TBX5: variants seen among roughly 807,000 people sequenced by gnomAD.
The protein encoded by TBX5 is T-box transcription factor 5, also known as T-box transcription factor TBX5.
TBX5 carries 8 observed loss-of-function variants against 51.1 expected under a neutral mutation model. That is an observed-to-expected ratio of 0.16 (90% confidence interval 0.09 to 0.28). TBX5 has a LOEUF of 0.28. Ranked by LOEUF, TBX5 falls within the 10% of genes least tolerant of loss-of-function variation. The probability of loss-of-function intolerance (pLI) is 1.00; values close to 1 mark genes in which losing one functional copy is unlikely to be tolerated. For synonymous variants in TBX5, 302 were observed against 266.4 expected, an observed-to-expected ratio of 1.13 and a Z score of -1.30; for missense variants, 589 against 671.7, an observed-to-expected ratio of 0.88 and a Z score of 1.36.
intron 8 of TBX5, among the ~76,000 whole-genome samples, chr12:114,364,389 T>C (rs569102371): frequency 6.6e-6 from 1 of 152,352 alleles, no homozygotes; most frequent in Non-Finnish European, 1.5e-5. Flanking sequence ...AGATAACATA[T>C]GATGTGTATG....
intron 2 of TBX5, among the ~76,000 whole-genome samples, chr12:114,402,716 T>C (rs1447893929): frequency 6.6e-6 from 1 of 152,078 alleles, no homozygotes; most frequent in Non-Finnish European, 1.5e-5. Context: ...TATATATACA[T>C]ATATATACAT....
chr12:114,379,248 C>A (rs1870374045), intron 7 of TBX5, among the ~76,000 whole-genome samples: 1 of 152,176 alleles, frequency 6.6e-6, no homozygotes, highest in African/African-American at 2.4e-5. Flanking sequence ...TTCCTGCTTC[C>A]CCTTGCACAC....
chr12:114,400,554 C>T (rs1026628812), intron 3 of TBX5, among the ~76,000 whole-genome samples: 3 of 152,198 alleles, frequency 2.0e-5, no homozygotes, highest in African/African-American at 4.8e-5. Context: ...TCAGCGATGG[C>T]GGGAACGGTC....
Position 114,355,480 on chromosome 12 carries a change from C to CCT in TBX5, c.*50_*51dup, listed in dbSNP as rs201961625. The CCT allele has an allele frequency of 2.8e-5, 42 of 1,519,014 alleles. No homozygotes were observed. Among genetic ancestry groups the CCT allele is most frequent in the South Asian group, 4.7e-5 (4 of 85,024 alleles). 94.1% of individuals were successfully genotyped at this position (1,519,014 alleles called of 1,614,324 possible). A position where few individuals can be genotyped will look rare whatever the true frequency, so the allele number is the denominator to read the frequency against. The stretch of plus-strand genomic sequence containing the variant: ...TGTCTCTCTCCTTCTCTCTCTTTCT[C>CCT]CTCTCTCTCTCTCTTTCTCTAGGAA... On this transcript the variant is annotated 3_prime_UTR_variant, in exon 9 of 9. Transcript: ENST00000405440.
At chr12:114,389,519 C>CCA (rs1871028801) in intron 6 of TBX5, among the ~76,000 whole-genome samples, 1 of 150,924 alleles carries the variant, frequency 6.6e-6, no homozygotes, top group Admixed American at 6.6e-5. Context: ...CTTTGGGAGG[C>CCA]AGAGGCGGGC....
intron 6 of TBX5, among the ~76,000 whole-genome samples, chr12:114,393,924 G>A (rs1328488712): frequency 6.6e-6 from 1 of 152,176 alleles, no homozygotes; most frequent in Non-Finnish European, 1.5e-5. Context: ...AATGTGGTCT[G>A]GAGTCAGTGA....
intron 8 of TBX5, among the ~76,000 whole-genome samples, chr12:114,364,147 A>G (rs1176298404): frequency 6.6e-6 from 1 of 152,236 alleles, no homozygotes; most frequent in Non-Finnish European, 1.5e-5. Flanking sequence ...AATGTCAAAT[A>G]GTCAAACTAT....
intron 7 of TBX5, among the ~76,000 whole-genome samples, chr12:114,379,539 C>T (rs1055406416): frequency 1.3e-5 from 2 of 152,190 alleles, no homozygotes; most frequent in Non-Finnish European, 2.9e-5. Context: ...CCAGCTTAAG[C>T]TTGGGAGTCA....
At chr12:114,371,786 A>G (rs1382154447) in intron 7 of TBX5, among the ~76,000 whole-genome samples, 1 of 151,978 alleles carries the variant, frequency 6.6e-6, no homozygotes, top group African/African-American at 2.4e-5. Context: ...AGCTTTCTTG[A>G]TTTCTTAACA....
At chr12:114,383,654 G>A (rs1870639162) in intron 7 of TBX5, among the ~76,000 whole-genome samples, 1 of 152,172 alleles carries the variant, frequency 6.6e-6, no homozygotes, top group African/African-American at 2.4e-5. Context: ...GGCTGGTGGT[G>A]GCTAGAATTA....
At chr12:114,379,669 G>A (rs143027810) in intron 7 of TBX5, among the ~76,000 whole-genome samples, 339 of 152,280 alleles carry the variant, frequency 2.2e-3, no homozygotes, top group Non-Finnish European at 3.8e-3. Flanking sequence ...GACACTCCTC[G>A]GTCGAGTAGA....
rs1360885183 is a variant in TBX5 at position 114,357,265 on chromosome 12, G to A, written c.983-1159C>T. Among the ~76,000 whole-genome samples, 9 of 152,028 alleles carry A rather than the reference G, an allele frequency of 5.9e-5. No individual in the cohort carries two copies. In the South Asian group the frequency reaches 1.0e-3, roughly 18 times the overall value. On this transcript the variant is annotated intron_variant, in intron 8 of 8. Coordinates refer to ENST00000405440, the MANE Select transcript of TBX5 (RefSeq NM_181486.4). Reference sequence around the variant, plus strand: ...AAAGGGGGTCTCCTTTCACCACTTCGGGGCCACTGGCCCCTTTGAAAACAA... The same window carrying A: ...AAAGGGGGTCTCCTTTCACCACTTCAGGGCCACTGGCCCCTTTGAAAACAA...
upstream of TBX5, among the ~76,000 whole-genome samples, chr12:114,406,466 C>G (rs1410748557): frequency 6.6e-6 from 1 of 152,168 alleles, no homozygotes; most frequent in African/African-American, 2.4e-5. Context: ...TGGACGCACA[C>G]ACACAAACAC....
intron 7 of TBX5, among the ~76,000 whole-genome samples, chr12:114,379,620 AG>A (rs1316338351): frequency 6.6e-6 from 1 of 152,194 alleles, no homozygotes; most frequent in Non-Finnish European, 1.5e-5. Flanking sequence ...GCCTGGAGGT[AG>A]GCTCTGTAAT....
At chr12:114,404,540 AC>A (rs1259785128) in intron 1 of TBX5, among the ~76,000 whole-genome samples, 1 of 152,110 alleles carries the variant, frequency 6.6e-6, no homozygotes, top group Non-Finnish European at 1.5e-5. Flanking sequence ...ATTCATATAC[AC>A]CTTTTACCAG....
At chr12:114,365,065 GAAA>G (rs5801051) in intron 8 of TBX5, among the ~76,000 whole-genome samples, 1 of 147,998 alleles carries the variant, frequency 6.8e-6, no homozygotes, top group African/African-American at 2.5e-5. Flanking sequence ...GGATGACTTA[GAAA>G]AAAAAAAAAG....
At chr12:114,357,920 G>T (rs1439344906) in intron 8 of TBX5, among the ~76,000 whole-genome samples, 2 of 152,206 alleles carry the variant, frequency 1.3e-5, no homozygotes, top group Non-Finnish European at 2.9e-5. Context: ...ACAGAATGCT[G>T]AACTAAATAA....
At chr12:114,381,429 T>C (rs190243416) in intron 7 of TBX5, among the ~76,000 whole-genome samples, 1 of 152,276 alleles carries the variant, frequency 6.6e-6, no homozygotes, top group African/African-American at 2.4e-5. Flanking sequence ...TCCCCACTTG[T>C]CACTACTGAC....
Position 114,394,769 on chromosome 12 carries a change from A to G in TBX5, c.635T>C (p.Ile212Thr). 1 of 1,614,200 alleles carries G rather than the reference A, an allele frequency of 6.2e-7. No homozygotes were observed. Among genetic ancestry groups the G allele is most frequent in the Non-Finnish European group, 8.5e-7 (1 of 1,180,028 alleles). Residue 212 changes from isoleucine (I) to threonine (T), a missense_variant, in exon 6 of 9, where the codon ATA becomes ACA. Ile to Thr is a moderately conservative substitution (Grantham distance 89). Around this residue, in one of 7 missense-constraint regions of TBX5, gnomAD observed 17 missense variants for 17.6 expected, o/e 0.96. Coordinates refer to ENST00000405440, the MANE Select transcript of TBX5 (RefSeq NM_181486.4). Reference sequence around the variant, plus strand: ...GTGGTTCTGGTAGGAAGTCACTGCTATAAACGCAGTCTCAGGAAAGACGTG... The same window carrying G: ...GTGGTTCTGGTAGGAAGTCACTGCTGTAAACGCAGTCTCAGGAAAGACGTG... ...CTHVFPETAF[I>T]AVTSYQNHKI... is the part of the protein sequence containing the mutation.
Sources: gnomAD v4.1 joint callset for allele counts (sites outside exome capture counted in the v4.1 genomes callset) on GRCh38, gnomAD v4.1.1 for gene constraint, gnomAD v4.1.1 regional missense constraint, MANE v1.5 for transcripts, NCBI Gene and HGNC (gene_info 2026-07-23, HGNC 2026-07-21) for gene names.